DAOA: variants seen among roughly 807,000 people sequenced by gnomAD.
The protein encoded by DAOA is D-amino acid oxidase activator, also known as D-amino acid oxidase regulator.
A neutral mutation model predicts 16.4 loss-of-function variants in DAOA; 15 were observed. That is an observed-to-expected ratio of 0.91 (90% CI 0.61 to 1.41). The LOEUF (loss-of-function observed/expected upper bound fraction) is 1.41, where lower values mean the gene tolerates loss of function less well. Ranked by LOEUF, DAOA falls within the 40% of genes most tolerant of loss-of-function variation. DAOA has a pLI of 0.00. For missense variants in DAOA, 230 were observed against 176.8 expected (o/e 1.30, Z -1.71); for synonymous variants, 75 against 59.1 (o/e 1.27, Z -1.23).
chr13:105,477,757 A>AAAAAC (rs1877438191), intron 4 of DAOA, among the ~76,000 whole-genome samples: 1 of 152,186 alleles, frequency 6.6e-6, no homozygotes, highest in Non-Finnish European at 1.5e-5. Flanking sequence ...CATATGACAG[A>AAAAAC]AAAACATGAT....
chr13:105,484,023 C>G (rs1283147915), intron 4 of DAOA, among the ~76,000 whole-genome samples: 3 of 151,942 alleles, frequency 2.0e-5, no homozygotes, highest in Non-Finnish European at 4.4e-5. Flanking sequence ...GATTTTACAC[C>G]AACATCTATA....
chr13:105,490,582 G>T (rs1426191513), intron 5 of DAOA: 2 of 152,014 alleles, frequency 1.3e-5, no homozygotes, highest in Non-Finnish European at 2.9e-5. Context: ...CAATACTATT[G>T]ATGGACCCTT....
At chr13:105,478,477 T>A (rs1190055661) in intron 4 of DAOA, among the ~76,000 whole-genome samples, 1 of 152,188 alleles carries the variant, frequency 6.6e-6, no homozygotes, top group Non-Finnish European at 1.5e-5. Flanking sequence ...GGGGCTTATA[T>A]AAAATTCCAA....
At chr13:105,483,643 C>T (rs1877904779) in intron 4 of DAOA, among the ~76,000 whole-genome samples, 1 of 151,670 alleles carries the variant, frequency 6.6e-6, no homozygotes, top group Non-Finnish European at 1.5e-5. Flanking sequence ...TATTCTCTAC[C>T]CATTTTTTTT....
intron 3 of DAOA, chr13:105,467,663 T>G (rs1876622912): frequency 6.7e-6 from 1 of 150,040 alleles, no homozygotes; most frequent in African/African-American, 2.5e-5. Flanking sequence ...CCTCCCCAAG[T>G]GCTAGGATTA....
At chr13:105,483,814 A>C (rs778670186) in intron 4 of DAOA, among the ~76,000 whole-genome samples, 19 of 152,034 alleles carry the variant, frequency 1.2e-4, no homozygotes, top group Non-Finnish European at 2.6e-4. Flanking sequence ...CTTAATAATG[A>C]TTTTTAAAGA....
intron 4 of DAOA, among the ~76,000 whole-genome samples, chr13:105,489,385 T>G (rs1299219786): frequency 6.6e-6 from 1 of 152,236 alleles, no homozygotes; most frequent in African/African-American, 2.4e-5. Flanking sequence ...ATTTACTCAT[T>G]TCAAAGCATT....
intron 4 of DAOA, among the ~76,000 whole-genome samples, chr13:105,488,917 C>T (rs1594121731): frequency 2.0e-5 from 3 of 152,252 alleles, no homozygotes; most frequent in South Asian, 4.1e-4. Flanking sequence ...TGAAAGCCAT[C>T]AAGATTAATT....
intron 3 of DAOA, among the ~76,000 whole-genome samples, chr13:105,472,015 A>T (rs1876986740): frequency 6.6e-6 from 1 of 152,212 alleles, no homozygotes; most frequent in South Asian, 2.1e-4. Flanking sequence ...AACTCATAAA[A>T]TACTAATACA....
chr13:105,485,303 A>G (rs1203098249), intron 4 of DAOA, among the ~76,000 whole-genome samples: 1 of 152,188 alleles, frequency 6.6e-6, no homozygotes, highest in Non-Finnish European at 1.5e-5. Flanking sequence ...TGGCATGTCA[A>G]AAAAATGAAC....
chr13:105,468,296 G>C (rs1013755921), intron 3 of DAOA, among the ~76,000 whole-genome samples: 11 of 151,974 alleles, frequency 7.2e-5, no homozygotes, highest in Admixed American at 6.6e-4. Context: ...GGACATTTTT[G>C]GGGGGTGGAG....
chr13:105,487,433 A>G (rs908222173), intron 4 of DAOA, among the ~76,000 whole-genome samples: 1 of 152,172 alleles, frequency 6.6e-6, no homozygotes, highest in African/African-American at 2.4e-5. Flanking sequence ...GCTCTGTAAG[A>G]AACAGGACTG....
At chr13:105,471,089 A>AT (rs1876921023) in intron 3 of DAOA, among the ~76,000 whole-genome samples, 1 of 151,662 alleles carries the variant, frequency 6.6e-6, no homozygotes, top group East Asian at 2.0e-4. Flanking sequence ...TGCCCGGCCA[A>AT]TTTTTTTGTA....
intron 4 of DAOA, among the ~76,000 whole-genome samples, chr13:105,474,248 A>G (rs1292476997): frequency 6.6e-6 from 1 of 152,052 alleles, no homozygotes; most frequent in African/African-American, 2.4e-5. Context: ...AAATATCTAA[A>G]CCATATAATT....
At chr13:105,486,186 A>T (rs921965961) in intron 4 of DAOA, among the ~76,000 whole-genome samples, 1 of 152,150 alleles carries the variant, frequency 6.6e-6, no homozygotes, top group Admixed American at 6.6e-5. Flanking sequence ...GATCTAAAAC[A>T]TGATCTAAAT....
At chr13:105,466,914 T>G in intron 2 of DAOA, 139 bp from the exon 3 acceptor site, 14 of 1,147,150 alleles carry the variant, frequency 1.2e-5, no homozygotes, top group Non-Finnish European at 1.5e-5. Context: ...TAAGACGTAT[T>G]TGGCTGAATA....
rs751554720 is a variant in DAOA, at chr13:105,466,360, T to A, written c.44+28T>A. 6 of 1,613,782 alleles carry A rather than the reference T, an allele frequency of 3.7e-6. No individual in the cohort carries two copies. The South Asian group carries it at 6.6e-5, about 18-fold the overall frequency. ...AGGTAGCTTGGGGTTTTTTACAGCATGGCGGCCTCAGTGCAATGTGACATT... is the reference window on the plus strand; with the variant it reads ...AGGTAGCTTGGGGTTTTTTACAGCAAGGCGGCCTCAGTGCAATGTGACATT... On this transcript the variant is annotated intron_variant, in intron 2 of 5. Transcript: ENST00000375936.
At chr13:105,481,279 G>A (rs1877726039) in intron 4 of DAOA, among the ~76,000 whole-genome samples, 5 of 152,086 alleles carry the variant, frequency 3.3e-5, no homozygotes, top group Admixed American at 2.0e-4. Flanking sequence ...TTACTCCCAA[G>A]AAGTCTATGG....
intron 4 of DAOA, among the ~76,000 whole-genome samples, chr13:105,484,174 G>A (rs1877950928): frequency 1.3e-5 from 2 of 151,960 alleles, no homozygotes. Flanking sequence ...GCCAAAATCA[G>A]TTGTCCATAT....
Sources: allele counts gnomAD v4.1 joint callset (sites outside exome capture counted in the v4.1 genomes callset), GRCh38; gene constraint gnomAD v4.1.1; transcripts MANE v1.5; gene names NCBI Gene and HGNC (gene_info 2026-07-23, HGNC 2026-07-21).